The following PTPRT variants were observed in gnomAD, a reference collection of about 807,000 sequenced individuals.
The protein encoded by PTPRT is protein tyrosine phosphatase receptor type T.
PTPRT carries 56 observed loss-of-function variants against 176.8 expected under a neutral mutation model. The ratio of observed to expected loss-of-function variants is 0.32; its 90% CI spans 0.26 to 0.40. The LOEUF is 0.40. Among genes scored for constraint, PTPRT ranks in the 10% least tolerant of loss-of-function variants. PTPRT has a pLI of 1.00. For synonymous variants in PTPRT, 783 were observed against 739.0 expected, an observed-to-expected ratio of 1.06 and a Z score of -0.96; for missense variants, 1,540 against 1,908.2, an observed-to-expected ratio of 0.81 and a Z score of 3.60.
chr20:42,315,440 G>T (rs1008878833), intron 12 of PTPRT, among the ~76,000 whole-genome samples: 3 of 152,050 alleles, frequency 2.0e-5, no homozygotes, highest in South Asian at 2.1e-4. Flanking sequence ...GTGTGCAAAG[G>T]TTTTATGTAA....
chr20:42,582,488 G>C (rs564651586), intron 7 of PTPRT, among the ~76,000 whole-genome samples: 20 of 152,312 alleles, frequency 1.3e-4, no homozygotes, highest in African/African-American at 4.8e-4. Flanking sequence ...CAAAACCACA[G>C]GTCAAGGGGG....
intron 8 of PTPRT, among the ~76,000 whole-genome samples, chr20:42,449,034 C>T (rs1483649144): frequency 6.6e-6 from 1 of 152,084 alleles, no homozygotes; most frequent in African/African-American, 2.4e-5. Flanking sequence ...CATCATCTTA[C>T]CAAGTATCAT....
intron 6 of PTPRT, among the ~76,000 whole-genome samples, chr20:42,684,170 T>C (rs1411764199): frequency 6.6e-6 from 1 of 152,052 alleles, no homozygotes; most frequent in East Asian, 1.9e-4. Context: ...CTGACCAACA[T>C]GGTGAAACCC....
At chr20:42,525,408 A>G (rs914573758) in intron 7 of PTPRT, among the ~76,000 whole-genome samples, 1 of 152,180 alleles carries the variant, frequency 6.6e-6, no homozygotes, top group Non-Finnish European at 1.5e-5. Flanking sequence ...TCCCCTTAAT[A>G]AAACTGAAAC....
At chr20:42,120,068 A>T (rs1319281842) in intron 19 of PTPRT, 97 bp from the exon 20 acceptor site, 10 of 1,095,318 alleles carry the variant, frequency 9.1e-6, no homozygotes, top group Non-Finnish European at 1.3e-5. Context: ...TGATTTTCTC[A>T]TGGGCAAAAT....
intron 9 of PTPRT, among the ~76,000 whole-genome samples, chr20:42,361,590 G>A (rs1001389075): frequency 1.1e-4 from 17 of 152,156 alleles, no homozygotes; most frequent in African/African-American, 3.4e-4. Context: ...CCCTGGGGCC[G>A]CCATGTGTGA....
At chr20:42,634,853 T>C (rs2074558742) in intron 7 of PTPRT, among the ~76,000 whole-genome samples, 1 of 152,140 alleles carries the variant, frequency 6.6e-6, no homozygotes, top group African/African-American at 2.4e-5. Context: ...TAACTTGACT[T>C]ATTATACCTC....
At chr20:42,322,067 G>A (rs1248903677) in intron 11 of PTPRT, among the ~76,000 whole-genome samples, 1 of 152,148 alleles carries the variant, frequency 6.6e-6, no homozygotes, top group East Asian at 1.9e-4. Context: ...GCAAGACTCT[G>A]TCTCAAATAA....
chr20:42,716,364 C>T (rs2076222854), intron 6 of PTPRT, among the ~76,000 whole-genome samples: 1 of 152,188 alleles, frequency 6.6e-6, no homozygotes, highest in African/African-American at 2.4e-5. Context: ...TACAGTCCCA[C>T]CAACAGTATA....
intron 1 of PTPRT, chr20:43,063,375 GGATT>G (rs1211119332): frequency 1.3e-5 from 2 of 152,476 alleles, no homozygotes; most frequent in Non-Finnish European, 2.9e-5. Flanking sequence ...TTGATTGCCA[GGATT>G]GATTCAGCTG....
chr20:42,600,819 G>C (rs2073767071), intron 7 of PTPRT, among the ~76,000 whole-genome samples: 1 of 152,116 alleles, frequency 6.6e-6, no homozygotes, highest in Non-Finnish European at 1.5e-5. Context: ...GAGTTCCATG[G>C]TATATATGCA....
At chr20:43,073,965 G>A (rs977251585) in intron 1 of PTPRT, among the ~76,000 whole-genome samples, 4 of 151,980 alleles carry the variant, frequency 2.6e-5, no homozygotes, top group African/African-American at 9.7e-5. Context: ...TGTTACCCAG[G>A]CTGGTCTCGA....
At chr20:43,166,153 T>C (rs932835627) in intron 1 of PTPRT, among the ~76,000 whole-genome samples, 1 of 151,912 alleles carries the variant, frequency 6.6e-6, no homozygotes, top group Admixed American at 6.6e-5. Flanking sequence ...GGAGAAACCC[T>C]ATCTCTAATA....
chr20:42,091,149 C>A (rs1001642864), intron 27 of PTPRT, among the ~76,000 whole-genome samples: 2 of 152,312 alleles, frequency 1.3e-5, no homozygotes. Context: ...TTTGTCAGAA[C>A]AAGTTAAACC....
chr20:42,387,911 C>T (rs1376935535), intron 9 of PTPRT, among the ~76,000 whole-genome samples: 1 of 151,944 alleles, frequency 6.6e-6, no homozygotes, highest in Non-Finnish European at 1.5e-5. Flanking sequence ...CCTGCCTCAG[C>T]CTCCTGAGTG....
chr20:42,313,535 T>C (rs188882309), intron 12 of PTPRT, among the ~76,000 whole-genome samples: 8 of 152,306 alleles, frequency 5.3e-5, no homozygotes, highest in Admixed American at 3.3e-4. Flanking sequence ...AGCCATGCTC[T>C]ATTTCTAGGT....
At chr20:42,998,463 T>C (rs73101976) in intron 1 of PTPRT, among the ~76,000 whole-genome samples, 369 of 152,218 alleles carry the variant, frequency 2.4e-3, no homozygotes, top group Non-Finnish European at 3.7e-3. Flanking sequence ...ATTAATCATA[T>C]TGGAGTGATG....
At chr20:42,746,128 T>C (rs1238082799) in intron 6 of PTPRT, among the ~76,000 whole-genome samples, 1 of 152,226 alleles carries the variant, frequency 6.6e-6, no homozygotes, top group African/African-American at 2.4e-5. Context: ...GCTGATAAAG[T>C]AGTCAAAATA....
chr20:42,085,963 T>C (rs548815496), intron 27 of PTPRT, 110 bp from the exon 28 acceptor site: 125 of 1,289,600 alleles, frequency 9.7e-5, no homozygotes, highest in Non-Finnish European at 1.3e-4. Context: ...TTTTTTTTTT[T>C]TGAGATGGAG....
Sources: gnomAD v4.1 joint callset for allele counts (sites outside exome capture counted in the v4.1 genomes callset) on GRCh38, gnomAD v4.1.1 for gene constraint, MANE v1.5 for transcripts, NCBI Gene and HGNC (gene_info 2026-07-23, HGNC 2026-07-21) for gene names.